Variants in TAS2R1 observed in about 807,000 individuals in gnomAD.
TAS2R1 encodes the protein taste receptor type 2 member 1.
For missense variants in TAS2R1, 370 were observed against 353.4 expected (o/e 1.05, Z -0.38); for synonymous variants, 141 against 134.2 (o/e 1.05, Z -0.35).
At chr5:9,743,082 C>T in the TAS2R1 span, among the ~76,000 whole-genome samples, 1 of 151,742 alleles carries the variant, frequency 6.6e-6, no homozygotes. Flanking sequence ...AAAAAAAAAG[C>T]CTGAGCCTCT....
At chr5:9,672,822 C>T (rs1740794399) in intron 1 of TAS2R1, among the ~76,000 whole-genome samples, 1 of 152,130 alleles carries the variant, frequency 6.6e-6, no homozygotes, top group African/African-American at 2.4e-5. Flanking sequence ...AGAAATCATT[C>T]TCCCGTAAAG....
the TAS2R1 span, among the ~76,000 whole-genome samples, chr5:9,725,317 G>A: frequency 1.2e-3 from 180 of 152,366 alleles, 1 homozygote; most frequent in East Asian, 0.018. Context: ...AGGGAGAGGC[G>A]CGAGCGGGAA....
the TAS2R1 span, among the ~76,000 whole-genome samples, chr5:9,852,477 C>T: frequency 5.4e-3 from 820 of 152,224 alleles, 11 homozygotes; most frequent in African/African-American, 0.019. Context: ...CAATTTGCTC[C>T]CCCTTTCTCT....
the TAS2R1 span, among the ~76,000 whole-genome samples, chr5:9,825,736 AC>A: frequency 6.6e-6 from 1 of 152,236 alleles, no homozygotes; most frequent in Non-Finnish European, 1.5e-5. Context: ...GTATTTCCAC[AC>A]ATTCAATCTG....
intron 1 of TAS2R1, among the ~76,000 whole-genome samples, chr5:9,696,576 A>G (rs1285110883): frequency 1.3e-5 from 2 of 151,992 alleles, no homozygotes; most frequent in African/African-American, 4.8e-5. Flanking sequence ...AATAAAATAA[A>G]ATAAATAATA....
chr5:9,817,407 G>A, the TAS2R1 span, among the ~76,000 whole-genome samples: 8 of 152,250 alleles, frequency 5.3e-5, no homozygotes, highest in East Asian at 1.5e-3. Context: ...CAACAATTAT[G>A]CACTTTTTGA....
At chr5:9,884,130 T>A in the TAS2R1 span, 1 of 152,150 alleles carries the variant, frequency 6.6e-6, no homozygotes, top group Admixed American at 6.6e-5. Flanking sequence ...GATAACATCA[T>A]TAATCCCTTC....
At chr5:9,730,429 CA>C in the TAS2R1 span, among the ~76,000 whole-genome samples, 65 of 152,286 alleles carry the variant, frequency 4.3e-4, no homozygotes, top group African/African-American at 1.5e-3. Flanking sequence ...GGCTTGATAC[CA>C]AATGTGCTTG....
intron 2 of TAS2R1, among the ~76,000 whole-genome samples, chr5:9,650,833 T>C (rs1223307217): frequency 6.6e-6 from 1 of 152,198 alleles, no homozygotes; most frequent in Non-Finnish European, 1.5e-5. Context: ...CATTAGAACA[T>C]AAACTATTTT....
the TAS2R1 span, among the ~76,000 whole-genome samples, chr5:9,859,970 CCAAT>C: frequency 6.6e-6 from 1 of 152,170 alleles, no homozygotes; most frequent in Non-Finnish European, 1.5e-5. Flanking sequence ...AGTCAACAGT[CCAAT>C]CATTTATTGC....
the TAS2R1 span, among the ~76,000 whole-genome samples, chr5:9,734,461 T>G: frequency 6.6e-6 from 1 of 152,212 alleles, no homozygotes; most frequent in South Asian, 2.1e-4. Flanking sequence ...AAATGATGTT[T>G]GTTTGAGAAT....
the TAS2R1 span, among the ~76,000 whole-genome samples, chr5:9,764,922 A>G: frequency 2.0e-5 from 3 of 152,234 alleles, no homozygotes; most frequent in African/African-American, 4.8e-5. Flanking sequence ...CACACAGCCA[A>G]TGAGACTACT....
rs370795531 is a variant in TAS2R1 at position 9,629,371 on chromosome 5, C to T, written c.662G>A (p.Gly221Asp). 7 of 1,613,920 alleles carry T rather than the reference C, an allele frequency of 4.3e-6. No homozygotes were observed. In the African/African-American group the frequency reaches 6.7e-5, roughly 15 times the overall value. Residue 221 changes from glycine to aspartate, a missense_variant, in exon 1 of 1, where the codon GGT becomes GAT. By Grantham distance (94) the Gly-to-Asp change is moderately conservative. Transcript: ENST00000382492. ...TVAGSRVPGR[G>D]APISALLSIL... ...AGACAGCAACGCGCTGATGGGTGCA[C>T]CCCTGCCAGGAACCCTGCTGCCGGC...
chr5:9,820,532 A>C, the TAS2R1 span, among the ~76,000 whole-genome samples: 1 of 152,200 alleles, frequency 6.6e-6, no homozygotes, highest in East Asian at 1.9e-4. Context: ...AGATTATATA[A>C]TCCTTTTTAG....
the TAS2R1 span, among the ~76,000 whole-genome samples, chr5:9,879,264 G>A: frequency 6.6e-6 from 1 of 152,232 alleles, no homozygotes; most frequent in Non-Finnish European, 1.5e-5. Context: ...GAACCATATT[G>A]GAGCTAGAAG....
intron 1 of TAS2R1, among the ~76,000 whole-genome samples, chr5:9,699,695 C>A (rs1409647377): frequency 6.6e-6 from 1 of 152,138 alleles, no homozygotes; most frequent in Non-Finnish European, 1.5e-5. Context: ...TGATAGGAAC[C>A]TGATGAGTTG....
the TAS2R1 span, among the ~76,000 whole-genome samples, chr5:9,800,425 T>C: frequency 1.0e-3 from 158 of 152,008 alleles, no homozygotes; most frequent in Non-Finnish European, 3.2e-4. Flanking sequence ...GCCTTTGTGG[T>C]GGGAGGGAGG....
chr5:9,737,169 C>T, the TAS2R1 span, among the ~76,000 whole-genome samples: 2 of 152,192 alleles, frequency 1.3e-5, no homozygotes, highest in Non-Finnish European at 2.9e-5. Context: ...AGCAGCAGCT[C>T]TGGTCTTCAT....
the TAS2R1 span, among the ~76,000 whole-genome samples, chr5:9,759,732 A>C: frequency 6.6e-6 from 1 of 152,216 alleles, no homozygotes; most frequent in Non-Finnish European, 1.5e-5. Context: ...TCAGGTTGTC[A>C]CTATTTTTAA....
Sources: allele counts gnomAD v4.1 joint callset (sites outside exome capture counted in the v4.1 genomes callset), GRCh38; gene constraint gnomAD v4.1.1; transcripts MANE v1.5; gene names NCBI Gene and HGNC (gene_info 2026-07-23, HGNC 2026-07-21).